PRKAR2B: variants seen among roughly 807,000 people sequenced by gnomAD.
PRKAR2B encodes cAMP-dependent protein kinase type II-beta regulatory subunit.
Under a neutral mutation model 49.9 loss-of-function variants are expected in PRKAR2B, and 14 were observed. That is an observed-to-expected ratio of 0.28 (90% confidence interval 0.19 to 0.44). PRKAR2B has a LOEUF of 0.44. PRKAR2B is among the 20% of genes least tolerant of loss of function. The pLI, the probability that PRKAR2B is intolerant of heterozygous loss-of-function variation, is 1.00. For synonymous variants in PRKAR2B, 196 were observed against 197.7 expected (o/e 0.99, Z 0.07); for missense variants, 393 against 537.9 (o/e 0.73, Z 2.67).
At chr7:107,082,747 C>T (rs1166023856) in intron 2 of PRKAR2B, among the ~76,000 whole-genome samples, 1 of 151,936 alleles carries the variant, frequency 6.6e-6, no homozygotes, top group Non-Finnish European at 1.5e-5. Flanking sequence ...ATGCGTGCCA[C>T]CAAGCTCAGC....
At chr7:107,114,528 A>ATTT (rs761914948) in intron 2 of PRKAR2B, among the ~76,000 whole-genome samples, 3 of 131,562 alleles carry the variant, frequency 2.3e-5, no homozygotes, top group Non-Finnish European at 1.6e-5. Flanking sequence ...TGCCCGGTTA[A>ATTT]TTTTTTTTTT....
intron 1 of PRKAR2B, among the ~76,000 whole-genome samples, chr7:107,058,910 C>A (rs977416274): frequency 6.6e-6 from 1 of 152,126 alleles, no homozygotes; most frequent in African/African-American, 2.4e-5. Flanking sequence ...TAGAGAAAGA[C>A]ACAGATAAAT....
chr7:107,134,229 A>G (rs947213079), intron 4 of PRKAR2B, among the ~76,000 whole-genome samples: 2 of 152,078 alleles, frequency 1.3e-5, no homozygotes, highest in South Asian at 2.1e-4. Context: ...GAGTTTGACT[A>G]TGTTGGCCAG....
intron 2 of PRKAR2B, among the ~76,000 whole-genome samples, chr7:107,078,624 T>C (rs2116785115): frequency 6.6e-6 from 1 of 152,328 alleles, no homozygotes; most frequent in Admixed American, 6.5e-5. Flanking sequence ...TGCTCCTGGC[T>C]CATTTCCAGC....
chr7:107,128,577 ACAAAAACAG>A (rs1795541607), intron 4 of PRKAR2B, among the ~76,000 whole-genome samples: 1 of 152,198 alleles, frequency 6.6e-6, no homozygotes, highest in African/African-American at 2.4e-5. Context: ...TCTCAGGGCT[ACAAAAACAG>A]CCCTGAGAAA....
intron 1 of PRKAR2B, among the ~76,000 whole-genome samples, chr7:107,051,239 G>A (rs1462468110): frequency 6.6e-6 from 1 of 152,178 alleles, no homozygotes; most frequent in East Asian, 1.9e-4. Flanking sequence ...GGTTTAAAAG[G>A]ATGGGCTAAA....
intron 2 of PRKAR2B, among the ~76,000 whole-genome samples, chr7:107,093,054 C>G (rs1794761393): frequency 6.6e-6 from 1 of 152,128 alleles, no homozygotes; most frequent in African/African-American, 2.4e-5. Flanking sequence ...GTCAGAATTT[C>G]CTTCCTTTTT....
At chr7:107,108,168 ACC>A (rs981555168) in intron 2 of PRKAR2B, among the ~76,000 whole-genome samples, 1 of 152,120 alleles carries the variant, frequency 6.6e-6, no homozygotes, top group Admixed American at 6.5e-5. Context: ...CCCATCATGA[ACC>A]CCAAAGGCAC....
intron 1 of PRKAR2B, among the ~76,000 whole-genome samples, chr7:107,045,466 C>G (rs1793670877): frequency 6.6e-6 from 1 of 152,188 alleles, no homozygotes; most frequent in African/African-American, 2.4e-5. Flanking sequence ...TGTTACGCTT[C>G]CCTCTTACCC....
intron 6 of PRKAR2B, among the ~76,000 whole-genome samples, chr7:107,148,128 C>A (rs780757629): frequency 6.6e-6 from 1 of 152,180 alleles, no homozygotes; most frequent in Non-Finnish European, 1.5e-5. Flanking sequence ...AAAGAAAAAA[C>A]TTCAAACCAG....
At chr7:107,066,518 C>G (rs1794149823) in intron 1 of PRKAR2B, 2 of 152,084 alleles carry the variant, frequency 1.3e-5, no homozygotes, top group Non-Finnish European at 1.5e-5. Context: ...AAGCGTCAGT[C>G]TCTTACATTT....
intron 2 of PRKAR2B, among the ~76,000 whole-genome samples, chr7:107,096,240 A>G (rs530914202): frequency 2.0e-5 from 3 of 152,258 alleles, no homozygotes; most frequent in East Asian, 3.9e-4. Flanking sequence ...GGGAGGATGT[A>G]TGTGTCCAGG....
chr7:107,150,538 T>C (rs1160983141), intron 6 of PRKAR2B, among the ~76,000 whole-genome samples: 3 of 151,870 alleles, frequency 2.0e-5, no homozygotes, highest in Non-Finnish European at 2.9e-5. Context: ...AATTTTGACA[T>C]AATGTGGATA....
chr7:107,103,538 A>G (rs998300894), intron 2 of PRKAR2B, among the ~76,000 whole-genome samples: 1 of 152,242 alleles, frequency 6.6e-6, no homozygotes. Context: ...AAGCTCAGAT[A>G]GCCTGAGGCT....
intron 2 of PRKAR2B, among the ~76,000 whole-genome samples, chr7:107,104,756 A>T (rs1035436532): frequency 1.8e-4 from 27 of 152,198 alleles, no homozygotes; most frequent in African/African-American, 5.8e-4. Flanking sequence ...AAGCAAAAGT[A>T]TACTGGAAAT....
At chr7:107,097,228 C>A (rs949203512) in intron 2 of PRKAR2B, among the ~76,000 whole-genome samples, 5 of 151,732 alleles carry the variant, frequency 3.3e-5, no homozygotes, top group Non-Finnish European at 7.4e-5. Context: ...GGATAGTTAG[C>A]TCTTGTTGAA....
chr7:107,139,605 C>A (rs1262530917), intron 4 of PRKAR2B, among the ~76,000 whole-genome samples: 1 of 152,158 alleles, frequency 6.6e-6, no homozygotes, highest in African/African-American at 2.4e-5. Flanking sequence ...GCATGTTGGC[C>A]CCTCCACACT....
At chr7:107,057,176 T>G (rs976508958) in intron 1 of PRKAR2B, among the ~76,000 whole-genome samples, 36 of 152,228 alleles carry the variant, frequency 2.4e-4, no homozygotes, top group African/African-American at 8.4e-4. Context: ...ACTTGCTGTT[T>G]GGACTCCTCC....
chr7:107,157,919 C>T (rs1339452908), intron 10 of PRKAR2B, among the ~76,000 whole-genome samples: 1 of 152,078 alleles, frequency 6.6e-6, no homozygotes, highest in East Asian at 1.9e-4. Flanking sequence ...TAGAAGGTGG[C>T]AATATGGAGG....
Sources: gnomAD v4.1 joint callset for allele counts (sites outside exome capture counted in the v4.1 genomes callset) on GRCh38, gnomAD v4.1.1 for gene constraint, MANE v1.5 for transcripts, NCBI Gene and HGNC (gene_info 2026-07-23, HGNC 2026-07-21) for gene names.